The following SYN3 variants were observed in gnomAD, a reference collection of about 807,000 sequenced individuals.
SYN3 encodes the protein synapsin-3.
Under a neutral mutation model 65.8 loss-of-function variants are expected in SYN3, and 35 were observed. The observed-to-expected ratio is 0.53, with a 90% CI of 0.41 to 0.70. The LOEUF is 0.70. Among genes scored for constraint, SYN3 ranks in the 30% least tolerant of loss-of-function variants. The pLI is 0.00. For missense variants in SYN3, 680 were observed against 749.0 expected (o/e 0.91, Z 1.08); for synonymous variants, 270 against 292.9 (o/e 0.92, Z 0.80).
intron 6 of SYN3, chr22:32,861,014 G>A (rs555844806): frequency 6.6e-6 from 1 of 151,902 alleles, no homozygotes; most frequent in Non-Finnish European, 1.5e-5. Context: ...GAGAGTAGGT[G>A]ATAATGTATA....
At chr22:32,992,567 C>A (rs1057186153) in intron 2 of SYN3, among the ~76,000 whole-genome samples, 2 of 152,184 alleles carry the variant, frequency 1.3e-5, no homozygotes, top group East Asian at 3.9e-4. Flanking sequence ...AATCCCAGCA[C>A]TTTGGGAGGC....
At chr22:32,957,393 G>A (rs2051499026) in intron 3 of SYN3, among the ~76,000 whole-genome samples, 1 of 152,146 alleles carries the variant, frequency 6.6e-6, no homozygotes, top group Non-Finnish European at 1.5e-5. Context: ...AACATCGCCG[G>A]GATGCAGGAT....
chr22:32,758,537 C>T (rs1158794729), intron 6 of SYN3, among the ~76,000 whole-genome samples: 1 of 150,456 alleles, frequency 6.6e-6, no homozygotes, highest in Admixed American at 6.7e-5. Flanking sequence ...CATCTTTCTC[C>T]CGTGCTGGAT....
At chr22:33,031,842 G>C (rs376821420) in intron 1 of SYN3, among the ~76,000 whole-genome samples, 4 of 152,096 alleles carry the variant, frequency 2.6e-5, no homozygotes, top group Non-Finnish European at 5.9e-5. Context: ...TGATGGGAAG[G>C]GAGGCCAGAC....
intron 3 of SYN3, among the ~76,000 whole-genome samples, chr22:32,932,798 C>T (rs1225493002): frequency 1.3e-5 from 2 of 152,180 alleles, no homozygotes; most frequent in African/African-American, 4.8e-5. Context: ...GTGGCTTAAA[C>T]AGCATAAATT....
chr22:32,569,555 C>CTGTGTATA (rs1230609085), intron 7 of SYN3, among the ~76,000 whole-genome samples: 2 of 109,720 alleles, frequency 1.8e-5, no homozygotes, highest in African/African-American at 7.0e-5. Flanking sequence ...CTCTCTCTCT[C>CTGTGTATA]TCTCTCTCTC....
intron 1 of SYN3, among the ~76,000 whole-genome samples, chr22:33,056,062 G>A (rs1415264743): frequency 2.0e-5 from 3 of 152,162 alleles, no homozygotes; most frequent in Non-Finnish European, 4.4e-5. Context: ...GGTTTTGGAA[G>A]AGACTGGGTT....
intron 6 of SYN3, among the ~76,000 whole-genome samples, chr22:32,776,743 G>A (rs1044531574): frequency 2.6e-5 from 4 of 152,206 alleles, no homozygotes; most frequent in African/African-American, 7.2e-5. Flanking sequence ...GGGACAGAGG[G>A]CATGAAAAGC....
At chr22:33,038,084 C>T (rs1442079907) in intron 1 of SYN3, among the ~76,000 whole-genome samples, 1 of 152,186 alleles carries the variant, frequency 6.6e-6, no homozygotes, top group Non-Finnish European at 1.5e-5. Flanking sequence ...CAATCCGGTG[C>T]CCTGCTGGCT....
chr22:32,549,114 C>T (rs1248209021), intron 7 of SYN3, among the ~76,000 whole-genome samples: 1 of 152,036 alleles, frequency 6.6e-6, no homozygotes, highest in African/African-American at 2.4e-5. Flanking sequence ...CCCACATGCT[C>T]CTCAGCAGGG....
chr22:33,020,031 A>G (rs780033024), intron 1 of SYN3, among the ~76,000 whole-genome samples: 3 of 152,236 alleles, frequency 2.0e-5, no homozygotes, highest in Non-Finnish European at 2.9e-5. Context: ...TATCTTTACA[A>G]TATCATCAGG....
chr22:32,542,436 ATG>A (rs925045832), intron 7 of SYN3, among the ~76,000 whole-genome samples: 4 of 150,868 alleles, frequency 2.7e-5, no homozygotes, highest in Admixed American at 2.6e-4. Flanking sequence ...GTGTATTCAT[ATG>A]TGTGTGTGTA....
chr22:32,840,465 A>ATTT (rs1181736803), intron 6 of SYN3, among the ~76,000 whole-genome samples: 6 of 151,984 alleles, frequency 3.9e-5, no homozygotes, highest in African/African-American at 1.4e-4. Context: ...CTGAAGAGAG[A>ATTT]GAGTTCCTCT....
chr22:33,056,714 T>C (rs970916558), intron 1 of SYN3, among the ~76,000 whole-genome samples: 12 of 152,262 alleles, frequency 7.9e-5, no homozygotes, highest in African/African-American at 2.9e-4. Flanking sequence ...AATGATTTCC[T>C]TTTAAATCAG....
At chr22:32,841,935 G>A (rs1052155468) in intron 6 of SYN3, among the ~76,000 whole-genome samples, 1 of 152,174 alleles carries the variant, frequency 6.6e-6, no homozygotes, top group African/African-American at 2.4e-5. Context: ...AGATGGTGCT[G>A]AGACCCACAA....
At chr22:32,791,827 A>G (rs1188232640) in intron 6 of SYN3, among the ~76,000 whole-genome samples, 1 of 152,130 alleles carries the variant, frequency 6.6e-6, no homozygotes, top group African/African-American at 2.4e-5. Flanking sequence ...GCCTAGAAGA[A>G]TACCTGGTAC....
chr22:32,965,386 T>A (rs983552614), intron 3 of SYN3, among the ~76,000 whole-genome samples: 9 of 152,034 alleles, frequency 5.9e-5, no homozygotes, highest in Non-Finnish European at 1.2e-4. Context: ...TCTGGATAAG[T>A]TTGAGAAATA....
At chr22:33,024,855 T>C (rs992707796) in intron 1 of SYN3, among the ~76,000 whole-genome samples, 2 of 152,226 alleles carry the variant, frequency 1.3e-5, no homozygotes, top group African/African-American at 4.8e-5. Flanking sequence ...ATGCCGTTAC[T>C]GGGCAAGTGT....
chr22:32,780,999 A>G (rs1308591484), intron 6 of SYN3, among the ~76,000 whole-genome samples: 6 of 52,062 alleles, frequency 1.2e-4, no homozygotes, highest in African/African-American at 1.6e-4. Flanking sequence ...CCTCTCTCTC[A>G]CCCCCTTCTT....
Sources: allele counts gnomAD v4.1 joint callset (sites outside exome capture counted in the v4.1 genomes callset), GRCh38; gene constraint gnomAD v4.1.1; transcripts MANE v1.5; gene names NCBI Gene and HGNC (gene_info 2026-07-23, HGNC 2026-07-21).